The following TRIM44 variants were observed in gnomAD, a reference collection of about 807,000 sequenced individuals.
TRIM44 encodes tripartite motif-containing protein 44.
A neutral mutation model predicts 37.4 loss-of-function variants in TRIM44; 13 were observed. That is an observed-to-expected ratio of 0.35 (90% CI 0.23 to 0.55). TRIM44 has a LOEUF of 0.55. TRIM44 is among the 20% of genes least tolerant of loss of function. The probability of loss-of-function intolerance (pLI) is 0.89; values close to 1 mark genes in which losing one functional copy is unlikely to be tolerated. For synonymous variants in TRIM44, 175 were observed against 157.2 expected (o/e 1.11, Z -0.85); for missense variants, 426 against 437.2 (o/e 0.97, Z 0.23).
chr11:35,709,633 A>G (rs1032646219), intron 2 of TRIM44, among the ~76,000 whole-genome samples: 2 of 152,178 alleles, frequency 1.3e-5, no homozygotes, highest in Non-Finnish European at 2.9e-5. Context: ...AATTTGCTCA[A>G]AGAAACTCGG....
chr11:35,758,216 G>C (rs529505143), intron 4 of TRIM44, among the ~76,000 whole-genome samples: 225 of 152,276 alleles, frequency 1.5e-3, no homozygotes, highest in African/African-American at 5.2e-3. Flanking sequence ...AGGATAGTTA[G>C]CTCTTATTGT....
In TRIM44 at chr11:35,790,857, A is replaced by T. The variant is rs551883856; in HGVS notation, c.1008-15501A>T. Among the ~76,000 whole-genome samples the T allele has an allele frequency of 3.3e-5, 5 of 152,276 alleles. No homozygotes were observed. The East Asian group carries it at 9.6e-4, about 29-fold the overall frequency. On this transcript the variant is annotated intron_variant, in intron 4 of 4. Transcript: ENST00000299413. ...GAAACTCATAACAAGAACACTTACTAAAAGGGCAGGGGTAGAACTGGGTAG... is the reference window on the plus strand; with the variant it reads ...GAAACTCATAACAAGAACACTTACTTAAAGGGCAGGGGTAGAACTGGGTAG...
chr11:35,748,382 A>G (rs770745130), intron 4 of TRIM44, among the ~76,000 whole-genome samples: 5 of 152,208 alleles, frequency 3.3e-5, no homozygotes, highest in Admixed American at 1.3e-4. Flanking sequence ...TAGTCCATCA[A>G]CCCTTCAGAG....
intron 1 of TRIM44, among the ~76,000 whole-genome samples, chr11:35,664,344 G>T (rs535236034): frequency 1.3e-5 from 2 of 152,246 alleles, no homozygotes; most frequent in African/African-American, 4.8e-5. Context: ...TGGGGTGGGA[G>T]TGGAAGTTCC....
intron 1 of TRIM44, among the ~76,000 whole-genome samples, chr11:35,664,673 G>A (rs1008547882): frequency 1.5e-4 from 23 of 152,144 alleles, no homozygotes; most frequent in Admixed American, 1.2e-3. Context: ...TCTGTATTAG[G>A]TTTTCCCTTT....
chr11:35,779,560 C>T (rs1280517673), intron 4 of TRIM44, among the ~76,000 whole-genome samples: 1 of 152,162 alleles, frequency 6.6e-6, no homozygotes, highest in African/African-American at 2.4e-5. Flanking sequence ...TCCTATTCAG[C>T]CATCCCCTCC....
At chr11:35,804,378 A>G (rs1853419834) in intron 4 of TRIM44, among the ~76,000 whole-genome samples, 1 of 152,224 alleles carries the variant, frequency 6.6e-6, no homozygotes, top group South Asian at 2.1e-4. Flanking sequence ...AGAGTTGTTG[A>G]CTTCTTTGAA....
At chr11:35,805,885 G>T (rs1853440936) in intron 4 of TRIM44, among the ~76,000 whole-genome samples, 1 of 152,152 alleles carries the variant, frequency 6.6e-6, no homozygotes, top group African/African-American at 2.4e-5. Context: ...TTGAAATCTT[G>T]GATTTTTTTT....
rs867368348 is a variant in TRIM44 at position 35,803,272 on chromosome 11, T to A, written c.1008-3086T>A. Among the ~76,000 whole-genome samples the A allele has an allele frequency of 8.5e-3, 1,215 of 142,410 alleles. 18 individuals are homozygous for A. Among genetic ancestry groups the A allele is most frequent in the African/African-American group, 0.029 (1,106 of 38,194 alleles). The allele number at this position is 142,410 out of a possible 152,430, so 93.4% of individuals were successfully genotyped here. ...GTCTGCCTAACACCCTTAGTTTATT[T>A]AAAAAAAAAAAAAAAAATGAAACAG... On this transcript the variant is annotated intron_variant, in intron 4 of 4. Transcript: ENST00000299413.
chr11:35,778,118 C>T (rs527794094), intron 4 of TRIM44, among the ~76,000 whole-genome samples: 24 of 152,272 alleles, frequency 1.6e-4, no homozygotes, highest in African/African-American at 5.1e-4. Flanking sequence ...TTGGTCTTTT[C>T]ACATAGTCCC....
chr11:35,763,133 G>A (rs1409041973), intron 4 of TRIM44, among the ~76,000 whole-genome samples: 1 of 152,104 alleles, frequency 6.6e-6, no homozygotes, highest in Non-Finnish European at 1.5e-5. Flanking sequence ...AAAGCTAAAG[G>A]TGAGCCCCTA....
Position 35,810,918 on chromosome 11 carries a change from C to T in TRIM44, c.*4533C>T, listed in dbSNP as rs544696943. The T allele has an allele frequency of 6.6e-6, 1 of 152,268 alleles. No individual in the cohort carries two copies. Among genetic ancestry groups the T allele is most frequent in the Admixed American group, 6.5e-5 (1 of 15,290 alleles). 9.4% of individuals were successfully genotyped at this position (152,268 alleles called of 1,614,324 possible). A position where few individuals can be genotyped will look rare whatever the true frequency, so the allele number is the denominator to read the frequency against. ...CACTGAATCTTTCAAGGGAATTACA[C>T]GTTTGGGTTAATGTTTCAGTATATC... is the stretch of plus-strand genomic sequence containing the variant. On this transcript the variant is annotated 3_prime_UTR_variant, in exon 5 of 5. Coordinates refer to ENST00000299413, the MANE Select transcript of TRIM44 (RefSeq NM_017583.6).
intron 4 of TRIM44, among the ~76,000 whole-genome samples, chr11:35,760,587 C>CA (rs1176256790): frequency 1.3e-5 from 2 of 152,246 alleles, no homozygotes; most frequent in African/African-American, 4.8e-5. Context: ...CTGCGTCACT[C>CA]ATGCTGGGAG....
chr11:35,803,634 T>C (rs1853399419), intron 4 of TRIM44, among the ~76,000 whole-genome samples: 1 of 152,084 alleles, frequency 6.6e-6, no homozygotes, highest in South Asian at 2.1e-4. Flanking sequence ...GGCAGGAGAA[T>C]CGCTTGAACC....
intron 4 of TRIM44, among the ~76,000 whole-genome samples, chr11:35,792,077 ACACAC>A (rs1354499803): frequency 7.0e-5 from 1 of 14,262 alleles, no homozygotes; most frequent in African/African-American, 8.1e-5. Flanking sequence ...GCCCCTACAC[ACACAC>A]ACACACACAC....
chr11:35,786,734 T>C (rs1365256291), intron 4 of TRIM44, among the ~76,000 whole-genome samples: 1 of 152,014 alleles, frequency 6.6e-6, no homozygotes, highest in Non-Finnish European at 1.5e-5. Flanking sequence ...TAATGCATAC[T>C]CATTGAATAA....
chr11:35,797,131 AAAAAC>A (rs762966271), intron 4 of TRIM44, among the ~76,000 whole-genome samples: 3 of 151,944 alleles, frequency 2.0e-5, no homozygotes, highest in Non-Finnish European at 4.4e-5. Flanking sequence ...GCTCAAAAAC[AAAAAC>A]AAAACAAAAA....
intron 4 of TRIM44, among the ~76,000 whole-genome samples, chr11:35,763,487 A>C (rs575278291): frequency 6.6e-6 from 1 of 152,326 alleles, no homozygotes; most frequent in African/African-American, 2.4e-5. Flanking sequence ...TGTGCTACTA[A>C]GTTTACTTAG....
Position 35,762,488 on chromosome 11 carries a change from A to G in TRIM44, c.1007+27043A>G, listed in dbSNP as rs1238374494. Among the ~76,000 whole-genome samples the G allele has an allele frequency of 3.9e-5, 6 of 152,288 alleles. No homozygotes were observed. In the East Asian group the frequency reaches 9.7e-4, roughly 25 times the overall value. On this transcript the variant is annotated intron_variant, in intron 4 of 4. Transcript: ENST00000299413. The stretch of plus-strand genomic sequence containing the variant: ...TGAACTCTTGCCTTGAGCCAGGTAC[A>G]GTCGGTCAGGGAATAAGTCTTTATT...
Sources: gnomAD v4.1 joint callset for allele counts (sites outside exome capture counted in the v4.1 genomes callset) on GRCh38, gnomAD v4.1.1 for gene constraint, MANE v1.5 for transcripts, NCBI Gene and HGNC (gene_info 2026-07-23, HGNC 2026-07-21) for gene names.